Variants in URAD observed in about 807,000 individuals in gnomAD.
URAD encodes the protein putative 2-oxo-4-hydroxy-4-carboxy-5-ureidoimidazoline decarboxylase.
Under a neutral mutation model 4.6 loss-of-function variants are expected in URAD, and 4 were observed. The ratio of observed to expected loss-of-function variants is 0.87; its 90% CI spans 0.43 to 1.98. URAD has a LOEUF of 1.98. Ranked by LOEUF, URAD falls within the 30% of genes most tolerant of loss-of-function variation. The pLI is 0.03. For missense variants in URAD, 300 were observed against 255.3 expected (o/e 1.18, Z -1.19); for synonymous variants, 144 against 118.2 (o/e 1.22, Z -1.41).
At chr13:27,980,654 G>A (rs1227733791) in intron 1 of URAD, among the ~76,000 whole-genome samples, 1 of 152,192 alleles carries the variant, frequency 6.6e-6, no homozygotes, top group Non-Finnish European at 1.5e-5. Context: ...CCCAAGCTGC[G>A]AGGGAGGTGG....
chr13:27,978,238 C>A lies in URAD; in HGVS notation c.390G>T (p.Ala130=). Residue 130 remains alanine, a synonymous_variant, in exon 2 of 2, where the codon GCG becomes GCT. Transcript: ENST00000332715. ...GCCGGCGCGCCAGCTCGCGCGGCACCGCCGTCCGGTCGCTGAAGCGCGCGG... is the reference window on the plus strand; with the variant it reads ...GCCGGCGCGCCAGCTCGCGCGGCACAGCCGTCCGGTCGCTGAAGCGCGCGG... ...VLAARFSDRT[A]VPRELARRLL... is the part of the protein sequence containing the mutation. 6.9e-7 allele frequency: 1 copy of A among 1,458,722 alleles called. No individual in the cohort carries two copies. The highest frequency in any genetic ancestry group is 9.0e-7 in the Non-Finnish European group (1 of 1,115,092). 90.4% of individuals were successfully genotyped at this position (1,458,722 alleles called of 1,614,324 possible).
intron 1 of URAD, among the ~76,000 whole-genome samples, chr13:27,982,431 ACTACCAC>A (rs941192608): frequency 6.6e-6 from 1 of 152,090 alleles, no homozygotes; most frequent in Non-Finnish European, 1.5e-5. Context: ...AAAAAAAATG[ACTACCAC>A]TTACCTTCAG....
Position 27,988,467 on chromosome 13 carries a change from C to T in URAD, c.171G>A (p.Gln57=), listed in dbSNP as rs1333098979. 2 of 1,593,472 alleles carry T rather than the reference C, an allele frequency of 1.3e-6. No homozygotes were observed. Among genetic ancestry groups the T allele is most frequent in the Non-Finnish European group, 1.7e-6 (2 of 1,171,564 alleles). ...TGTCTGATACGGAAGCCTTACCTGA[C>T]TGTGCAAGGGCATCAATAAAGGCAA... ...HFFAFIDALA[Q]SGQEGILRCH... is the part of the protein sequence containing the mutation. The change falls in exon 1 of 2, where the codon CAG becomes CAA. Residue 57 remains glutamine (Q), a synonymous_variant. Transcript: ENST00000332715.
intron 1 of URAD, among the ~76,000 whole-genome samples, chr13:27,985,263 G>A (rs866356971): frequency 6.6e-6 from 1 of 152,056 alleles, no homozygotes; most frequent in Non-Finnish European, 1.5e-5. Context: ...TTTGAGACAA[G>A]CATGGCCAAC....
At chr13:27,979,646 C>T (rs529343701) in intron 1 of URAD, among the ~76,000 whole-genome samples, 24 of 152,308 alleles carry the variant, frequency 1.6e-4, no homozygotes, top group African/African-American at 5.8e-4. Flanking sequence ...AGCGGTTGTC[C>T]GCCTCTGGCG....
chr13:27,983,416 A>G (rs758067226), intron 1 of URAD, among the ~76,000 whole-genome samples: 3 of 151,928 alleles, frequency 2.0e-5, no homozygotes. Context: ...TTTAGTAGAG[A>G]CCGGGTTTCA....
At chr13:27,988,169 G>C (rs1054541541) in intron 1 of URAD, among the ~76,000 whole-genome samples, 8 of 152,148 alleles carry the variant, frequency 5.3e-5, no homozygotes, top group Non-Finnish European at 1.2e-4. Context: ...ATGTTGGCCA[G>C]GATGGTCTCG....
rs970692628 is a variant in URAD, at chr13:27,978,282, C to A, written c.346G>T (p.Gly116Cys). 2.1e-6 allele frequency: 3 copies of A among 1,420,906 alleles called. No individual in the cohort carries two copies. Among genetic ancestry groups the A allele is most frequent in the South Asian group, 3.0e-5 (2 of 67,392 alleles). 88.0% of individuals were successfully genotyped at this position (1,420,906 alleles called of 1,614,324 possible). The change falls in exon 2 of 2, where the codon GGT becomes TGT. Residue 116 changes from glycine to cysteine, a missense_variant. Coordinates refer to ENST00000332715, the MANE Select transcript of URAD (RefSeq NM_001105577.2). ...ELNAQYRARFGFPFVLAARFS... is the reference protein window; with the variant it reads ...ELNAQYRARFCFPFVLAARFS... ...CGCGCGGCGAGCACGAAGGGGAAAC[C>A]GAAGCGCGCGCGGTACTGCGCGTTG...
chr13:27,978,506 C>T, intron 1 of URAD, 54 bp from the exon 2 acceptor site: 1 of 1,242,192 alleles, frequency 8.1e-7, no homozygotes. Flanking sequence ...CCGTCCCGCA[C>T]CGCGCACTCG....
In URAD at chr13:27,980,952, G is replaced by A. The variant is rs1188893834; in HGVS notation, c.176-2500C>T. Among the ~76,000 whole-genome samples the A allele has an allele frequency of 4.6e-5, 7 of 151,950 alleles. No individual in the cohort carries two copies. In the East Asian group the frequency reaches 1.4e-3, roughly 29 times the overall value. On this transcript the variant is annotated intron_variant, in intron 1 of 1. Coordinates refer to ENST00000332715, the MANE Select transcript of URAD (RefSeq NM_001105577.2). ...CGCAGATAAACTAGCAGAGCAAAGG[G>A]CAGAAGAAAAGAGACTAAAAAGGAG...
At chr13:27,983,587 T>C (rs1869935982) in intron 1 of URAD, among the ~76,000 whole-genome samples, 2 of 152,204 alleles carry the variant, frequency 1.3e-5, no homozygotes, top group African/African-American at 4.8e-5. Context: ...TCTCATCCTT[T>C]GGTCTTAAAC....
chr13:27,984,915 G>T (rs2137559556), intron 1 of URAD, among the ~76,000 whole-genome samples: 1 of 152,198 alleles, frequency 6.6e-6, no homozygotes, highest in African/African-American at 2.4e-5. Flanking sequence ...GGAGGCGGAG[G>T]TTGCAGTGAG....
intron 1 of URAD, among the ~76,000 whole-genome samples, chr13:27,985,039 G>A (rs1225949545): frequency 6.6e-6 from 1 of 152,158 alleles, no homozygotes; most frequent in Non-Finnish European, 1.5e-5. Flanking sequence ...AATTATACAT[G>A]TTTATGGTGT....
chr13:27,987,495 C>T (rs1044656577), intron 1 of URAD, among the ~76,000 whole-genome samples: 10 of 152,170 alleles, frequency 6.6e-5, no homozygotes, highest in African/African-American at 1.9e-4. Flanking sequence ...TCACTCTCCT[C>T]GGCCATCCAG....
At chr13:27,982,247 G>C (rs1869898062) in intron 1 of URAD, among the ~76,000 whole-genome samples, 1 of 152,150 alleles carries the variant, frequency 6.6e-6, no homozygotes, top group African/African-American at 2.4e-5. Context: ...TGACCAACGT[G>C]GTGAAACCTC....
intron 1 of URAD, among the ~76,000 whole-genome samples, chr13:27,983,230 T>G (rs74041511): frequency 0.037 from 5,621 of 152,128 alleles, 314 homozygotes; most frequent in African/African-American, 0.13. Context: ...CCTTTGCTTT[T>G]TTTTTGTTTT....
intron 1 of URAD, among the ~76,000 whole-genome samples, chr13:27,979,398 G>GA (rs1212026088): frequency 5.1e-4 from 78 of 152,298 alleles, no homozygotes; most frequent in African/African-American, 1.9e-3. Flanking sequence ...TCTCTAAAGT[G>GA]AAAATTAGAA....
chr13:27,985,370 A>G (rs770662001), intron 1 of URAD, among the ~76,000 whole-genome samples: 3 of 152,146 alleles, frequency 2.0e-5, no homozygotes, highest in Non-Finnish European at 4.4e-5. Context: ...AGGCAGGAGA[A>G]TCGCTTGAAC....
At chr13:27,979,655 C>A (rs1022883565) in intron 1 of URAD, among the ~76,000 whole-genome samples, 1 of 152,192 alleles carries the variant, frequency 6.6e-6, no homozygotes, top group African/African-American at 2.4e-5. Context: ...CCGCCTCTGG[C>A]GCTGGGAATA....
Sources: gnomAD v4.1 joint callset for allele counts (sites outside exome capture counted in the v4.1 genomes callset) on GRCh38, gnomAD v4.1.1 for gene constraint, MANE v1.5 for transcripts, NCBI Gene and HGNC (gene_info 2026-07-23, HGNC 2026-07-21) for gene names.